VPS13C: variants seen among roughly 807,000 people sequenced by gnomAD.
VPS13C encodes vacuolar protein sorting 13 homolog C.
Under a neutral mutation model 456.8 loss-of-function variants are expected in VPS13C, and 358 were observed. The observed-to-expected ratio is 0.78, with a 90% CI of 0.72 to 0.86. The LOEUF is 0.86. Among genes scored for constraint, VPS13C ranks in the 40% least tolerant of loss-of-function variants. The pLI, the probability that VPS13C is intolerant of heterozygous loss-of-function variation, is 0.00. For synonymous variants in VPS13C, 1,578 were observed against 1,486.7 expected, an observed-to-expected ratio of 1.06 and a Z score of -1.41; for missense variants, 4,818 against 4,385.4, an observed-to-expected ratio of 1.10 and a Z score of -2.79.
At chr15:62,030,623 C>T (rs1222103772) in intron 5 of VPS13C, among the ~76,000 whole-genome samples, 1 of 152,052 alleles carries the variant, frequency 6.6e-6, no homozygotes, top group Non-Finnish European at 1.5e-5. Context: ...ACAATAATCA[C>T]ATTGTCATAG....
intron 38 of VPS13C, among the ~76,000 whole-genome samples, chr15:61,953,878 T>C (rs1164931334): frequency 2.0e-5 from 3 of 152,146 alleles, no homozygotes; most frequent in Non-Finnish European, 4.4e-5. Flanking sequence ...AGAGTTTTCG[T>C]GAAATAATTA....
At position 61,986,356 on chromosome 15, in the gene VPS13C, C is replaced by T. The variant is rs531306111; in HGVS notation, c.1579-1357G>A. Reference sequence around the variant, plus strand: ...AAAGAACCACATAGAAATTCAAGAACTGAAATATACAAAAGCCAATTAAGA... The same window carrying T: ...AAAGAACCACATAGAAATTCAAGAATTGAAATATACAAAAGCCAATTAAGA... On this transcript the variant is annotated intron_variant, in intron 18 of 84. Coordinates refer to ENST00000644861, the MANE Select transcript of VPS13C (RefSeq NM_020821.3). Among the ~76,000 whole-genome samples the T allele has an allele frequency of 2.0e-5, 3 of 151,970 alleles. No homozygotes were observed. In the South Asian group the frequency reaches 6.2e-4, roughly 32 times the overall value.
At chr15:61,864,607 G>A in intron 81 of VPS13C, 1 of 981,854 alleles carries the variant, frequency 1.0e-6, no homozygotes, top group Non-Finnish European at 1.2e-6. Context: ...TTATTTCAAT[G>A]CTTAAATATA....
At chr15:61,936,797 T>C in intron 47 of VPS13C, 47 bp from the exon 48 acceptor site, 1 of 1,525,216 alleles carries the variant, frequency 6.6e-7, no homozygotes, top group Non-Finnish European at 8.8e-7. Context: ...AAAAAAAATG[T>C]AGACTATCAT....
chr15:61,998,767 A>C (rs1267475789), intron 16 of VPS13C, among the ~76,000 whole-genome samples: 1 of 152,162 alleles, frequency 6.6e-6, no homozygotes, highest in Non-Finnish European at 1.5e-5. Flanking sequence ...CATGGGTTTG[A>C]ACGGCATGAG....
Position 62,048,069 on chromosome 15 carries a change from G to GT in VPS13C, c.101-3815dup, listed in dbSNP as rs545982740. 2.2e-3 allele frequency among the ~76,000 whole-genome samples: 299 copies of GT among 134,054 alleles called. 3 individuals are homozygous for GT. The highest frequency in any genetic ancestry group is 2.9e-3 in the Admixed American group (39 of 13,610). 87.9% of individuals were successfully genotyped at this position (134,054 alleles called of 152,430 possible). A position where few individuals can be genotyped will look rare whatever the true frequency, so the allele number is the denominator to read the frequency against. On this transcript the variant is annotated intron_variant, in intron 1 of 84. Transcript: ENST00000644861. ...GTAAATATTTGTTTTTGGTTTTTTGGTTTTTTTTTTTTTCATTTGTTCTCA... is the reference window on the plus strand; with the variant it reads ...GTAAATATTTGTTTTTGGTTTTTTGGTTTTTTTTTTTTTTCATTTGTTCTCA...
chr15:62,020,041 T>C (rs1430958052), intron 9 of VPS13C, among the ~76,000 whole-genome samples: 5 of 151,256 alleles, frequency 3.3e-5, no homozygotes, highest in Non-Finnish European at 5.9e-5. Context: ...GAAAAACTCA[T>C]TATAAAATAA....
chr15:61,859,734 C>T (rs576839636), intron 82 of VPS13C, among the ~76,000 whole-genome samples: 45 of 152,190 alleles, frequency 3.0e-4, no homozygotes, highest in Admixed American at 6.5e-5. Flanking sequence ...ACCTATCACA[C>T]GGTGATATCA....
intron 82 of VPS13C, among the ~76,000 whole-genome samples, chr15:61,862,627 T>G (rs996774195): frequency 5.9e-5 from 9 of 152,198 alleles, no homozygotes; most frequent in Admixed American, 3.3e-4. Context: ...GTCAAAGTCA[T>G]AAAATCTGCT....
intron 32 of VPS13C, among the ~76,000 whole-genome samples, chr15:61,963,339 C>G (rs1161551963): frequency 1.3e-5 from 2 of 152,064 alleles, no homozygotes; most frequent in African/African-American, 4.8e-5. Flanking sequence ...AGAGGAAAAG[C>G]TAGATGAGTT....
At position 61,907,289 on chromosome 15, in the gene VPS13C, T is replaced by C. The variant is rs116802310; in HGVS notation, c.9080A>G (p.Asn3027Ser). The change falls in exon 66 of 85, where the codon AAT becomes AGT. Residue 3027 changes from asparagine (N) to serine (S), a missense_variant. Asn to Ser is a conservative substitution (Grantham distance 46). Around this residue, in one of 3 missense-constraint regions of VPS13C, gnomAD observed 4,552 missense variants for 4,130.6 expected, o/e 1.10. Transcript: ENST00000644861. ...TRKLTWTYAANVGEHDLLKDG... is the reference protein window; with the variant it reads ...TRKLTWTYAASVGEHDLLKDG... ...CTTTAACAGATCATGTTCCCCAACA[T>C]TTGCTGCATATGTCCATGTAAGTTT... The C allele has an allele frequency of 2.7e-4, 430 of 1,613,952 alleles. 3 individuals are homozygous for C. The African/African-American group carries it at 5.4e-3, about 20-fold the overall frequency.
In VPS13C at chr15:61,981,886, T is replaced by TA. The variant is rs539451724; in HGVS notation, c.2030-409dup. 8.4e-4 allele frequency among the ~76,000 whole-genome samples: 122 copies of TA among 145,912 alleles called. 2 individuals are homozygous for TA. Among genetic ancestry groups the TA allele is most frequent in the Non-Finnish European group, 1.1e-3 (73 of 65,842 alleles). ...TCAAAAAATAAAAGAAAATAAAAAATAAAAAAAAAAGAAAAGTATTACAAA... is the reference window on the plus strand; with the variant it reads ...TCAAAAAATAAAAGAAAATAAAAAATAAAAAAAAAAAGAAAAGTATTACAAA... On this transcript the variant is annotated intron_variant, in intron 21 of 84. Transcript: ENST00000644861.
At chr15:61,977,774 T>C (rs753475559) in intron 23 of VPS13C, among the ~76,000 whole-genome samples, 4 of 152,068 alleles carry the variant, frequency 2.6e-5, no homozygotes, top group Non-Finnish European at 5.9e-5. Flanking sequence ...ACTGAAAATC[T>C]TTTATCACTT....
At position 61,872,196 on chromosome 15, in the gene VPS13C, C is replaced by T. The variant is rs374893357; in HGVS notation, c.10579-162G>A. ...AACAACATACACATATAAGTTAGCA[C>T]TATGATTTTTCAAATATCATATCAC... On this transcript the variant is annotated intron_variant, in intron 78 of 84. Coordinates refer to ENST00000644861, the MANE Select transcript of VPS13C (RefSeq NM_020821.3). Among the ~76,000 whole-genome samples, 11 of 152,222 alleles carry T rather than the reference C, an allele frequency of 7.2e-5. No homozygotes were observed. In the East Asian group the frequency reaches 9.6e-4, roughly 13 times the overall value.
chr15:62,012,930 T>G (rs982683030), intron 11 of VPS13C, 109 bp downstream of exon 11: 4 of 604,178 alleles, frequency 6.6e-6, no homozygotes, highest in Non-Finnish European at 1.1e-5. Flanking sequence ...TTTAGTGAAA[T>G]ACAAGTTAAA....
intron 3 of VPS13C, among the ~76,000 whole-genome samples, chr15:62,037,309 T>A (rs1337389549): frequency 8.8e-5 from 6 of 67,818 alleles, no homozygotes; most frequent in East Asian, 4.5e-4. Flanking sequence ...AATATATATA[T>A]AAATATATTA....
rs541061993 is a variant in VPS13C at position 61,869,890 on chromosome 15, C to T, written c.10625-267G>A. Among the ~76,000 whole-genome samples, 107 of 152,254 alleles carry T rather than the reference C, an allele frequency of 7.0e-4. 1 individual carries two copies. Among genetic ancestry groups the T allele is most frequent in the African/African-American group, 2.4e-3 (99 of 41,544 alleles). On this transcript the variant is annotated intron_variant, in intron 79 of 84. Coordinates refer to ENST00000644861, the MANE Select transcript of VPS13C (RefSeq NM_020821.3). The stretch of plus-strand genomic sequence containing the variant: ...CAGCATTTATGTTTTTCTAAGCACT[C>T]CAGGTGATCCTGACACATGCTCAAG...
Position 61,951,718 on chromosome 15 carries a change from T to C in VPS13C, c.4456+106A>G, listed in dbSNP as rs527955700. On this transcript the variant is annotated intron_variant, in intron 39 of 84. Coordinates refer to ENST00000644861, the MANE Select transcript of VPS13C (RefSeq NM_020821.3). The stretch of plus-strand genomic sequence containing the variant: ...TTTTTGAAAAGTTGAGTTAATGTAC[T>C]AGGAAATTAACACAATTGCACAGAA... 19 of 1,246,558 alleles carry C rather than the reference T, an allele frequency of 1.5e-5. No homozygotes were observed. The South Asian group carries it at 3.5e-4, about 23-fold the overall frequency. The allele number at this position is 1,246,558 out of a possible 1,614,324, so 77.2% of individuals were successfully genotyped here.
At chr15:62,007,268 T>G (rs368377067) in intron 15 of VPS13C, 40 bp downstream of exon 15, 182 of 1,340,994 alleles carry the variant, frequency 1.4e-4, no homozygotes, top group Non-Finnish European at 1.7e-4. Context: ...AAAGGATGAT[T>G]AGACAAATAA....
Sources: gnomAD v4.1 joint callset for allele counts (sites outside exome capture counted in the v4.1 genomes callset) on GRCh38, gnomAD v4.1.1 for gene constraint, gnomAD v4.1.1 regional missense constraint, MANE v1.5 for transcripts, NCBI Gene and HGNC (gene_info 2026-07-23, HGNC 2026-07-21) for gene names.